Variants in CHRM3 observed in about 807,000 individuals in gnomAD.
CHRM3 encodes muscarinic acetylcholine receptor M3.
A neutral mutation model predicts 41.8 loss-of-function variants in CHRM3; 11 were observed. That is an observed-to-expected ratio of 0.26 (90% CI 0.17 to 0.44). The LOEUF (loss-of-function observed/expected upper bound fraction) is 0.44. CHRM3 is among the 20% of genes least tolerant of loss of function. CHRM3 has a pLI of 1.00. For synonymous variants in CHRM3, 297 were observed against 301.4 expected (o/e 0.99, Z 0.15); for missense variants, 571 against 745.4 (o/e 0.77, Z 2.72).
chr1:239,708,736 C>CTTTTTTTTT lies in CHRM3; in HGVS notation c.-147+30467_-147+30475dup, dbSNP rs869143310. On this transcript the variant is annotated intron_variant, in intron 5 of 6. Transcript: ENST00000676153. ...CTTTGTTTCTTCTGGTTTAAATTTT[C>CTTTTTTTTT]TTTTTTTTTTTTTTTTTTTTTTTTT... Among the ~76,000 whole-genome samples, 84 of 48,348 alleles carry CTTTTTTTTT rather than the reference C, an allele frequency of 1.7e-3. 2 individuals carry two copies. The highest frequency in any genetic ancestry group is 4.7e-3 in the East Asian group (6 of 1,274). The allele number at this position is 48,348 out of a possible 152,430, so 31.7% of individuals were successfully genotyped here.
At chr1:239,447,544 C>A (rs1664240576) in intron 1 of CHRM3, among the ~76,000 whole-genome samples, 1 of 152,052 alleles carries the variant, frequency 6.6e-6, no homozygotes, top group South Asian at 2.1e-4. Context: ...GTAAGGAGAG[C>A]CATAAAATTA....
intron 3 of CHRM3, among the ~76,000 whole-genome samples, chr1:239,630,777 C>T (rs892250507): frequency 1.3e-5 from 2 of 152,070 alleles, no homozygotes; most frequent in Non-Finnish European, 1.5e-5. Context: ...AAGTTGTGAC[C>T]CATGGTCACT....
intron 5 of CHRM3, among the ~76,000 whole-genome samples, chr1:239,724,369 AGCTGTTT>A (rs1325928344): frequency 6.6e-6 from 1 of 151,994 alleles, no homozygotes; most frequent in African/African-American, 2.4e-5. Context: ...CTTCAGATTA[AGCTGTTT>A]TCTTTTTCTT....
At chr1:239,837,983 A>G (rs1322853900) in intron 6 of CHRM3, among the ~76,000 whole-genome samples, 2 of 152,260 alleles carry the variant, frequency 1.3e-5, no homozygotes, top group African/African-American at 2.4e-5. Context: ...AGGCAAAAAT[A>G]GTAAAATAAA....
At chr1:239,413,137 G>C (rs971597221) in intron 1 of CHRM3, among the ~76,000 whole-genome samples, 1 of 151,368 alleles carries the variant, frequency 6.6e-6, no homozygotes, top group South Asian at 2.1e-4. Context: ...AGCTCAAAGA[G>C]AGAAGGATGC....
At chr1:239,474,132 T>C (rs1666315817) in intron 1 of CHRM3, among the ~76,000 whole-genome samples, 1 of 152,032 alleles carries the variant, frequency 6.6e-6, no homozygotes. Flanking sequence ...AAATCAACCA[T>C]ATAAAGATAT....
chr1:239,758,236 T>C (rs1013395), intron 5 of CHRM3, among the ~76,000 whole-genome samples: 39 of 152,324 alleles, frequency 2.6e-4, no homozygotes, highest in Non-Finnish European at 5.6e-4. Flanking sequence ...TTAGTTAGGA[T>C]AGAGCCTTTT....
chr1:239,438,992 A>G (rs1164807805), intron 1 of CHRM3, among the ~76,000 whole-genome samples: 2 of 152,210 alleles, frequency 1.3e-5, no homozygotes, highest in African/African-American at 4.8e-5. Context: ...TGAACATAAT[A>G]ATTCCCCTCC....
chr1:239,570,380 C>A (rs192282990), intron 3 of CHRM3, among the ~76,000 whole-genome samples: 4 of 152,244 alleles, frequency 2.6e-5, no homozygotes, highest in Non-Finnish European at 5.9e-5. Flanking sequence ...ATTACCCAGT[C>A]TCGGGTATTT....
intron 4 of CHRM3, among the ~76,000 whole-genome samples, chr1:239,669,062 A>G (rs1398739125): frequency 2.0e-5 from 3 of 152,070 alleles, no homozygotes. Flanking sequence ...AAATTCCCTG[A>G]GGCACTGTCA....
At chr1:239,887,280 C>A (rs1294747115) in intron 6 of CHRM3, among the ~76,000 whole-genome samples, 1 of 152,070 alleles carries the variant, frequency 6.6e-6, no homozygotes, top group African/African-American at 2.4e-5. Context: ...CAGCTCACTG[C>A]AACCTCCACC....
At chr1:239,487,512 A>G (rs1002442457) in intron 1 of CHRM3, among the ~76,000 whole-genome samples, 5 of 152,162 alleles carry the variant, frequency 3.3e-5, no homozygotes, top group Non-Finnish European at 7.4e-5. Context: ...AAGTTCAGTC[A>G]GAAACATGTA....
intron 6 of CHRM3, among the ~76,000 whole-genome samples, chr1:239,891,446 C>T (rs12080657): frequency 0.18 from 27,547 of 151,942 alleles, 3,676 homozygotes; most frequent in African/African-American, 0.37. Flanking sequence ...GCTTTATTTC[C>T]CATAAAGAGT....
At chr1:239,530,139 G>A (rs1200856219) in intron 2 of CHRM3, among the ~76,000 whole-genome samples, 2 of 152,090 alleles carry the variant, frequency 1.3e-5, no homozygotes, top group African/African-American at 4.8e-5. Context: ...TCCTGACCTT[G>A]TGATCTGCCC....
At chr1:239,763,511 A>G (rs1666965217) in intron 5 of CHRM3, among the ~76,000 whole-genome samples, 1 of 152,206 alleles carries the variant, frequency 6.6e-6, no homozygotes, top group Admixed American at 6.5e-5. Flanking sequence ...ACTTAAATAT[A>G]GAGCGCTCTA....
In CHRM3 at chr1:239,561,879, A is replaced by C. The variant is rs1266412838; in HGVS notation, c.-313+16130A>C. Among the ~76,000 whole-genome samples the C allele has an allele frequency of 2.6e-5, 4 of 152,272 alleles. No homozygotes were observed. The East Asian group carries it at 7.7e-4, about 29-fold the overall frequency. On this transcript the variant is annotated intron_variant, in intron 3 of 6. Coordinates refer to ENST00000676153, the MANE Select transcript of CHRM3 (RefSeq NM_001375978.1). ...TATATCCTTGAAGATTTACTAGTAT[A>C]AATGGTGTAAACAGAATTTCTTGGT...
At chr1:239,485,731 C>T (rs974475669) in intron 1 of CHRM3, among the ~76,000 whole-genome samples, 6 of 152,242 alleles carry the variant, frequency 3.9e-5, no homozygotes, top group Non-Finnish European at 8.8e-5. Context: ...TTTGCCACTG[C>T]GTGATGTAAA....
chr1:239,653,102 A>G (rs1350148869), intron 4 of CHRM3, among the ~76,000 whole-genome samples: 2 of 152,208 alleles, frequency 1.3e-5, no homozygotes, highest in East Asian at 3.9e-4. Context: ...ATAGGGAGAA[A>G]GAGACCTCAG....
intron 5 of CHRM3, among the ~76,000 whole-genome samples, chr1:239,693,923 G>A (rs1469462630): frequency 1.3e-5 from 2 of 152,098 alleles, no homozygotes; most frequent in Non-Finnish European, 2.9e-5. Context: ...ATGAATAAAA[G>A]ATATGTTAGC....
Sources: allele counts gnomAD v4.1 joint callset (sites outside exome capture counted in the v4.1 genomes callset), GRCh38; gene constraint gnomAD v4.1.1; transcripts MANE v1.5; gene names NCBI Gene and HGNC (gene_info 2026-07-23, HGNC 2026-07-21).